Variants in BMPR2 observed in about 807,000 individuals in gnomAD.
BMPR2 encodes bone morphogenetic protein receptor type-2.
In BMPR2, 29 loss-of-function variants were observed where a neutral mutation model predicts 100.8. The ratio of observed to expected loss-of-function variants is 0.29; its 90% CI spans 0.21 to 0.39. The LOEUF (loss-of-function observed/expected upper bound fraction) is 0.39. Among genes scored for constraint, BMPR2 ranks in the 10% least tolerant of loss-of-function variants. The pLI is 1.00. For missense variants in BMPR2, 1,011 were observed against 1,274.5 expected, an observed-to-expected ratio of 0.79 and a Z score of 3.15; for synonymous variants, 382 against 442.3, an observed-to-expected ratio of 0.86 and a Z score of 1.71.
intron 3 of BMPR2, among the ~76,000 whole-genome samples, chr2:202,499,379 G>A (rs906624829): frequency 1.3e-5 from 2 of 152,198 alleles, no homozygotes; most frequent in Admixed American, 1.3e-4. Flanking sequence ...AATGACAGCT[G>A]AAGAAAGGGA....
intron 1 of BMPR2, among the ~76,000 whole-genome samples, chr2:202,423,400 G>A (rs771711137): frequency 3.3e-5 from 5 of 152,212 alleles, no homozygotes; most frequent in Non-Finnish European, 5.9e-5. Flanking sequence ...CACGGGGGCT[G>A]TGTCTCCTTG....
chr2:202,539,768 A>G (rs1346952273), intron 9 of BMPR2, among the ~76,000 whole-genome samples: 1 of 152,140 alleles, frequency 6.6e-6, no homozygotes, highest in East Asian at 1.9e-4. Context: ...GAGCTAAAAA[A>G]AGGTCTGTAA....
intron 1 of BMPR2, among the ~76,000 whole-genome samples, chr2:202,390,369 G>C (rs574678059): frequency 2.1e-5 from 3 of 141,814 alleles, no homozygotes; most frequent in Non-Finnish European, 4.5e-5. Flanking sequence ...GTCTTGCGCT[G>C]TTGCCCAAGC....
rs1688293522 is a variant in BMPR2, at chr2:202,542,394, T to G, written c.1360T>G (p.Ser454Ala). 8 of 1,614,096 alleles carry G rather than the reference T, an allele frequency of 5.0e-6. No homozygotes were observed. Among genetic ancestry groups the G allele is most frequent in the Non-Finnish European group, 6.8e-6 (8 of 1,180,010 alleles). ...TTTTGAGGATATGCAGGTTCTCGTG[T>G]CTAGGGAAAAACAGAGACCCAAGTT... is the stretch of plus-strand genomic sequence containing the variant. Reference protein sequence around the residue: ...PTFEDMQVLVSREKQRPKFPE... With the variant: ...PTFEDMQVLVAREKQRPKFPE... The change falls in exon 10 of 13, where the codon TCT becomes GCT. Residue 454 changes from serine (S) to alanine (A), a missense_variant. By Grantham distance (99) the Ser-to-Ala change is moderately conservative (BLOSUM62 1). Transcript: ENST00000374580.
chr2:202,525,830 C>G (rs1687898982), intron 7 of BMPR2, among the ~76,000 whole-genome samples: 2 of 140,488 alleles, frequency 1.4e-5, no homozygotes, highest in African/African-American at 5.3e-5. Flanking sequence ...ACCTTTCATG[C>G]ATATTTTTGC....
chr2:202,506,168 A>AT (rs71406985), intron 3 of BMPR2, among the ~76,000 whole-genome samples: 18,766 of 150,344 alleles, frequency 0.12, 1,229 homozygotes, highest in Admixed American at 0.14. Context: ...TAATTAATTA[A>AT]TTTTTTTTTT....
chr2:202,539,917 C>T (rs1394846968), intron 9 of BMPR2, among the ~76,000 whole-genome samples: 4 of 151,932 alleles, frequency 2.6e-5, no homozygotes, highest in Admixed American at 6.6e-5. Context: ...AGCAATCCAG[C>T]GATAGTAAGG....
chr2:202,555,757 C>T lies in BMPR2; in HGVS notation c.2092C>T (p.Pro698Ser), dbSNP rs1211737392. The T allele has an allele frequency of 1.2e-6, 2 of 1,613,930 alleles. No individual in the cohort carries two copies. The highest frequency in any genetic ancestry group is 2.7e-5 in the African/African-American group (2 of 74,878). ...HSLKQFSGPD[P>S]LSSTSSSLLY... ...TCTTAAACAGTTCAGTGGCCCAGAC[C>T]CACTGAGCAGTACTAGTTCTAGCTT... The change falls in exon 12 of 13, where the codon CCA (proline) becomes TCA (serine). Residue 698 changes from proline (P) to serine (S), a missense_variant. By Grantham distance (74) the Pro-to-Ser change is moderately conservative (BLOSUM62 -1). This residue lies in a region of BMPR2 where 508 missense variants were observed against 552.0 expected (regional missense o/e 0.92). Coordinates refer to ENST00000374580, the MANE Select transcript of BMPR2 (RefSeq NM_001204.7).
intron 3 of BMPR2, among the ~76,000 whole-genome samples, chr2:202,509,118 C>G (rs1687579950): frequency 6.6e-6 from 1 of 151,968 alleles, no homozygotes; most frequent in Admixed American, 6.6e-5. Flanking sequence ...CCAAATAAGT[C>G]TAAAGGAGCT....
intron 1 of BMPR2, among the ~76,000 whole-genome samples, chr2:202,377,754 C>T (rs1351689305): frequency 6.6e-6 from 1 of 152,242 alleles, no homozygotes; most frequent in Non-Finnish European, 1.5e-5. Context: ...TTCCTATCCC[C>T]ACTTCCATAT....
chr2:202,483,204 A>G (rs1406871067), intron 3 of BMPR2, among the ~76,000 whole-genome samples: 1 of 151,882 alleles, frequency 6.6e-6, no homozygotes. Flanking sequence ...TAATTGGGTC[A>G]TTTGTTTTAT....
chr2:202,435,717 C>T lies in BMPR2; in HGVS notation c.77-29092C>T, dbSNP rs138571511. On this transcript the variant is annotated intron_variant, in intron 1 of 12. Coordinates refer to ENST00000374580, the MANE Select transcript of BMPR2 (RefSeq NM_001204.7). ...ATGGTAAGTGCCCTATACAGGTATACCATATTTTATCTTTCATACTGTATT... is the reference window on the plus strand; with the variant it reads ...ATGGTAAGTGCCCTATACAGGTATATCATATTTTATCTTTCATACTGTATT... Among the ~76,000 whole-genome samples the T allele has an allele frequency of 6.8e-3, 1,014 of 150,036 alleles. 85 individuals are homozygous for T. Among genetic ancestry groups the T allele is most frequent in the African/African-American group, 0.023 (929 of 39,534 alleles).
At position 202,552,883 on chromosome 2, in the gene BMPR2, T is replaced by G. The variant is rs750577202; in HGVS notation, c.1581T>G (p.Asn527Lys). The G allele has an allele frequency of 1.2e-6, 2 of 1,614,222 alleles. No homozygotes were observed. Among genetic ancestry groups the G allele is most frequent in the Non-Finnish European group, 1.7e-6 (2 of 1,180,040 alleles). Residue 527 changes from asparagine (N) to lysine (K), a missense_variant, in exon 11 of 13, where the codon AAT becomes AAG. Asn to Lys is a moderately conservative substitution (Grantham distance 94). This residue lies in a region of BMPR2 where 508 missense variants were observed against 552.0 expected (regional missense o/e 0.92). Coordinates refer to ENST00000374580, the MANE Select transcript of BMPR2 (RefSeq NM_001204.7). ...TVNPMSTAMQ[N>K]ERNLSHNRRV... is the part of the protein sequence containing the mutation. ...ATCCAATGTCTACTGCTATGCAGAA[T>G]GAACGGTAAGACCCTAAGGGGTGTG...
In BMPR2 at chr2:202,441,397, A is replaced by G. The variant is rs1367526902; in HGVS notation, c.77-23412A>G. On this transcript the variant is annotated intron_variant, in intron 1 of 12. Coordinates refer to ENST00000374580, the MANE Select transcript of BMPR2 (RefSeq NM_001204.7). ...TAAACACTAAGGTTGAATTGTCACT[A>G]ATTTACTTTATTTAAAAATCATAAA... Among the ~76,000 whole-genome samples the G allele has an allele frequency of 1.3e-5, 2 of 150,468 alleles. 1 individual carries two copies. Among genetic ancestry groups the G allele is most frequent in the African/African-American group, 5.0e-5 (2 of 39,860 alleles).
intron 1 of BMPR2, among the ~76,000 whole-genome samples, chr2:202,418,179 A>G (rs951387108): frequency 6.6e-6 from 1 of 152,194 alleles, no homozygotes; most frequent in Non-Finnish European, 1.5e-5. Flanking sequence ...AATATCACTG[A>G]GGTATGCTTG....
intron 3 of BMPR2, among the ~76,000 whole-genome samples, chr2:202,494,431 G>C (rs1692974754): frequency 6.6e-6 from 1 of 152,202 alleles, no homozygotes; most frequent in Non-Finnish European, 1.5e-5. Flanking sequence ...GTGTAGCAAG[G>C]AAACAGACAG....
intron 10 of BMPR2, among the ~76,000 whole-genome samples, chr2:202,543,029 T>G (rs1289067292): frequency 3.3e-5 from 5 of 151,582 alleles, no homozygotes; most frequent in African/African-American, 1.2e-4. Flanking sequence ...TACAAAAAAT[T>G]AGCCGGGCGT....
Position 202,377,502 on chromosome 2 carries a change from C to T in BMPR2, c.28C>T (p.Arg10Trp), listed in dbSNP as rs1085307150. Residue 10 changes from arginine to tryptophan, a missense_variant, in exon 1 of 13, where the codon CGG becomes TGG. Arg to Trp is a moderately radical substitution (Grantham distance 101). This residue lies in a region of BMPR2 where 355 missense variants were observed against 455.3 expected (regional missense o/e 0.78). Coordinates refer to ENST00000374580, the MANE Select transcript of BMPR2 (RefSeq NM_001204.7). Reference sequence around the variant, plus strand: ...GACTTCCTCGCTGCAGCGGCCCTGGCGGGTGCCCTGGCTACCATGGACCAT... The same window carrying T: ...GACTTCCTCGCTGCAGCGGCCCTGGTGGGTGCCCTGGCTACCATGGACCAT... Reference protein sequence around the residue: MTSSLQRPWRVPWLPWTILL... With the variant: MTSSLQRPWWVPWLPWTILL... 1 of 1,614,250 alleles carries T rather than the reference C, an allele frequency of 6.2e-7. No homozygotes were observed.
intron 3 of BMPR2, among the ~76,000 whole-genome samples, chr2:202,475,712 A>C (rs917935240): frequency 1.3e-5 from 2 of 152,158 alleles, no homozygotes; most frequent in African/African-American, 4.8e-5. Flanking sequence ...CCTGATGAAC[A>C]AAGCAAAACC....
Sources: allele counts gnomAD v4.1 joint callset (sites outside exome capture counted in the v4.1 genomes callset), GRCh38; gene constraint gnomAD v4.1.1; regional missense constraint gnomAD v4.1.1; transcripts MANE v1.5; gene names NCBI Gene and HGNC (gene_info 2026-07-23, HGNC 2026-07-21).